LIN28B: variants seen among roughly 807,000 people sequenced by gnomAD.
The protein encoded by LIN28B is lin-28 RNA binding posttranscriptional regulator B, also known as protein lin-28 homolog B.
Under a neutral mutation model 21.9 loss-of-function variants are expected in LIN28B, and 5 were observed. The ratio of observed to expected loss-of-function variants is 0.23; its 90% CI spans 0.12 to 0.48. LIN28B has a LOEUF of 0.48. Ranked by LOEUF, LIN28B falls within the 20% of genes least tolerant of loss-of-function variation. The pLI is 0.98. For synonymous variants in LIN28B, 109 were observed against 111.3 expected (o/e 0.98, Z 0.13); for missense variants, 245 against 310.5 (o/e 0.79, Z 1.58).
At chr6:105,075,660 A>T (rs1436251864) in intron 3 of LIN28B, among the ~76,000 whole-genome samples, 1 of 152,224 alleles carries the variant, frequency 6.6e-6, no homozygotes, top group Non-Finnish European at 1.5e-5. Context: ...CTTAAAAATA[A>T]CTTTTATAGC....
At chr6:105,012,225 T>C (rs1014498374) in intron 2 of LIN28B, among the ~76,000 whole-genome samples, 2 of 151,408 alleles carry the variant, frequency 1.3e-5, no homozygotes, top group Non-Finnish European at 2.9e-5. Context: ...CCCAGCACTT[T>C]GGGAGGCTGA....
chr6:105,027,632 G>C (rs1771315109), intron 3 of LIN28B, among the ~76,000 whole-genome samples: 1 of 151,442 alleles, frequency 6.6e-6, no homozygotes, highest in African/African-American at 2.4e-5. Context: ...TTGAAGTTTT[G>C]AATTTTTTAC....
intron 3 of LIN28B, among the ~76,000 whole-genome samples, chr6:105,051,456 A>G (rs563164777): frequency 1.6e-4 from 25 of 152,090 alleles, no homozygotes; most frequent in South Asian, 6.2e-4. Flanking sequence ...AAAAGAAAGA[A>G]AAAGAAAGAG....
chr6:105,060,107 T>G (rs955071530), intron 3 of LIN28B, among the ~76,000 whole-genome samples: 1 of 152,182 alleles, frequency 6.6e-6, no homozygotes, highest in Non-Finnish European at 1.5e-5. Flanking sequence ...TTCTCCATGT[T>G]GGTCAGGCTG....
In LIN28B at chr6:105,016,952, G is replaced by T. The variant is rs187198839; in HGVS notation, c.199-9346G>T. Among the ~76,000 whole-genome samples, 534 of 151,278 alleles carry T rather than the reference G, an allele frequency of 3.5e-3. 5 individuals carry two copies. Among genetic ancestry groups the T allele is most frequent in the Non-Finnish European group, 6.7e-3 (457 of 67,778 alleles). On this transcript the variant is annotated intron_variant, in intron 2 of 3. Coordinates refer to ENST00000345080, the MANE Select transcript of LIN28B (RefSeq NM_001004317.4). ...GCTGGGTGTGGTGGTACACACCTGT[G>T]GTCCCAGCAACTTGGGAGCCTGAAG...
At chr6:104,994,258 C>T (rs887775350) in intron 2 of LIN28B, among the ~76,000 whole-genome samples, 10 of 152,194 alleles carry the variant, frequency 6.6e-5, no homozygotes, top group African/African-American at 2.4e-4. Flanking sequence ...CCCGCCTCGG[C>T]CTCCCAAATT....
At chr6:104,961,067 C>G (rs1392969298) in intron 2 of LIN28B, among the ~76,000 whole-genome samples, 1 of 152,018 alleles carries the variant, frequency 6.6e-6, no homozygotes, top group Non-Finnish European at 1.5e-5. Flanking sequence ...AAATGACAGT[C>G]TTCATTTGAT....
intron 3 of LIN28B, among the ~76,000 whole-genome samples, chr6:105,050,686 A>G (rs1336780826): frequency 1.4e-5 from 2 of 146,660 alleles, no homozygotes; most frequent in African/African-American, 5.0e-5. Flanking sequence ...GTTTCTGCCG[A>G]GAGATCTGCT....
At chr6:104,990,770 G>A (rs932915326) in intron 2 of LIN28B, among the ~76,000 whole-genome samples, 11 of 152,070 alleles carry the variant, frequency 7.2e-5, no homozygotes, top group East Asian at 1.9e-4. Context: ...GACTCTTAAC[G>A]AGCATGCTGC....
chr6:104,959,866 C>G (rs975855417), intron 2 of LIN28B, among the ~76,000 whole-genome samples: 1 of 152,042 alleles, frequency 6.6e-6, no homozygotes, highest in African/African-American at 2.4e-5. Context: ...AAAAAAATAA[C>G]CCTTCTTTGT....
chr6:104,999,303 C>T (rs1430344029), intron 2 of LIN28B, among the ~76,000 whole-genome samples: 1 of 152,092 alleles, frequency 6.6e-6, no homozygotes, highest in East Asian at 1.9e-4. Flanking sequence ...CCACTTCCAA[C>T]TGATTTTGTG....
At chr6:105,009,457 G>A (rs990374046) in intron 2 of LIN28B, among the ~76,000 whole-genome samples, 1 of 152,042 alleles carries the variant, frequency 6.6e-6, no homozygotes, top group Non-Finnish European at 1.5e-5. Context: ...GGGTTTTTTG[G>A]GGGGGAGGCG....
chr6:104,945,254 C>T (rs898027207), intron 2 of LIN28B, among the ~76,000 whole-genome samples: 1 of 152,032 alleles, frequency 6.6e-6, no homozygotes, highest in Non-Finnish European at 1.5e-5. Flanking sequence ...TTTGCTATTA[C>T]ATTTATTACA....
chr6:105,068,541 T>C (rs1772264654), intron 3 of LIN28B, among the ~76,000 whole-genome samples: 1 of 152,210 alleles, frequency 6.6e-6, no homozygotes, highest in African/African-American at 2.4e-5. Flanking sequence ...GAATTTACTT[T>C]GGTTCCATGA....
At chr6:105,000,135 A>G (rs1770692053) in intron 2 of LIN28B, among the ~76,000 whole-genome samples, 1 of 147,522 alleles carries the variant, frequency 6.8e-6, no homozygotes, top group South Asian at 2.3e-4. Flanking sequence ...GGGAGGGGGC[A>G]CATTTGGCTG....
intron 3 of LIN28B, among the ~76,000 whole-genome samples, chr6:105,053,150 CTA>C (rs1321934935): frequency 6.6e-6 from 1 of 151,934 alleles, no homozygotes; most frequent in Non-Finnish European, 1.5e-5. Context: ...TTTGGAATTT[CTA>C]TATGTCTTAT....
intron 3 of LIN28B, among the ~76,000 whole-genome samples, chr6:105,055,707 A>G (rs1582923158): frequency 6.6e-6 from 1 of 151,702 alleles, no homozygotes; most frequent in East Asian, 1.9e-4. Context: ...TTCATTTTAG[A>G]TATTGTAGTT....
chr6:105,024,797 ACAT>A (rs1318842550), intron 2 of LIN28B, among the ~76,000 whole-genome samples: 11 of 152,196 alleles, frequency 7.2e-5, no homozygotes, highest in Admixed American at 3.3e-4. Context: ...TAATTTGGCT[ACAT>A]GTAATTATTT....
intron 3 of LIN28B, among the ~76,000 whole-genome samples, chr6:105,070,060 T>C (rs1426384876): frequency 6.6e-6 from 1 of 152,166 alleles, no homozygotes; most frequent in Admixed American, 6.5e-5. Context: ...TTTGAGAGAT[T>C]TATTCTCTTT....
Sources: gnomAD v4.1 joint callset for allele counts (sites outside exome capture counted in the v4.1 genomes callset) on GRCh38, gnomAD v4.1.1 for gene constraint, MANE v1.5 for transcripts, NCBI Gene and HGNC (gene_info 2026-07-23, HGNC 2026-07-21) for gene names.